ZSWIM5: variants seen among roughly 807,000 people sequenced by gnomAD.
The protein encoded by ZSWIM5 is zinc finger SWIM-type containing 5.
In ZSWIM5, 55 loss-of-function variants were observed where a neutral mutation model predicts 119.6. The ratio of observed to expected loss-of-function variants is 0.46; its 90% CI spans 0.37 to 0.58. ZSWIM5 has a LOEUF of 0.58. Among genes scored for constraint, ZSWIM5 ranks in the 20% least tolerant of loss-of-function variants. ZSWIM5 has a pLI of 0.00. For missense variants in ZSWIM5, 1,193 were observed against 1,512.8 expected (o/e 0.79, Z 3.51); for synonymous variants, 537 against 606.9 (o/e 0.88, Z 1.69).
At chr1:45,110,815 G>A (rs1305414997) in intron 1 of ZSWIM5, among the ~76,000 whole-genome samples, 1 of 152,136 alleles carries the variant, frequency 6.6e-6, no homozygotes, top group Non-Finnish European at 1.5e-5. Context: ...TTTTATGGTG[G>A]CCACAGAGAG....
rs780028759 is a variant in ZSWIM5 at position 45,017,322 on chromosome 1, CAT to C, written c.*1130_*1131del. On this transcript the variant is annotated 3_prime_UTR_variant, in exon 14 of 14. Transcript: ENST00000359600. ...TAACAAGCATACACATGGATACAAA[CAT>C]GTTTATACACATGCACTCGTGTACG... The C allele has an allele frequency of 6.6e-6, 1 of 152,180 alleles. No homozygotes were observed. The highest frequency in any genetic ancestry group is 2.4e-5 in the African/African-American group (1 of 41,458). The allele number at this position is 152,180 out of a possible 1,614,324, so 9.4% of individuals were successfully genotyped here. A position where few individuals can be genotyped will look rare whatever the true frequency, so the allele number is the denominator to read the frequency against.
chr1:45,045,833 A>G (rs1186911789), intron 5 of ZSWIM5, among the ~76,000 whole-genome samples: 2 of 152,212 alleles, frequency 1.3e-5, no homozygotes, highest in East Asian at 3.8e-4. Flanking sequence ...GTAAATATAT[A>G]GTATATCAGA....
rs183920776 is a variant in ZSWIM5, at chr1:45,048,221, G to A, written c.1432+2853C>T. ...TACCTGGCTAATTTTTGTATTTTTT[G>A]TAGAGACAGGATTTCACCATGTTGC... is the stretch of plus-strand genomic sequence containing the variant. On this transcript the variant is annotated intron_variant, in intron 5 of 13. Transcript: ENST00000359600. Among the ~76,000 whole-genome samples the A allele has an allele frequency of 1.1e-4, 17 of 149,424 alleles. No homozygotes were observed. In the Admixed American group the frequency reaches 1.2e-3, roughly 10 times the overall value.
intron 1 of ZSWIM5, among the ~76,000 whole-genome samples, chr1:45,100,153 T>A (rs1052952583): frequency 2.0e-5 from 3 of 152,164 alleles, no homozygotes; most frequent in African/African-American, 4.8e-5. Flanking sequence ...AAAACTCCAT[T>A]GTCTCAGCCC....
rs1328389564 is a variant in ZSWIM5, at chr1:45,022,109, C to T, written c.2450-1321G>A. Among the ~76,000 whole-genome samples, 9 of 135,272 alleles carry T rather than the reference C, an allele frequency of 6.7e-5. No homozygotes were observed. In the East Asian group the frequency reaches 1.8e-3, roughly 27 times the overall value. The allele number at this position is 135,272 out of a possible 152,430, so 88.7% of individuals were successfully genotyped here. A position where few individuals can be genotyped will look rare whatever the true frequency, so the allele number is the denominator to read the frequency against. On this transcript the variant is annotated intron_variant, in intron 11 of 13. Coordinates refer to ENST00000359600, the MANE Select transcript of ZSWIM5 (RefSeq NM_020883.2). ...AGAATTATAAAAAATTTGTAATATT[C>T]TATGATTCTACTTTATTTTATTTTA...
intron 1 of ZSWIM5, among the ~76,000 whole-genome samples, chr1:45,181,974 A>C (rs1324608369): frequency 6.6e-6 from 1 of 152,200 alleles, no homozygotes; most frequent in Non-Finnish European, 1.5e-5. Flanking sequence ...CCGCTGCAAA[A>C]ACATGCCAAA....
At chr1:45,185,005 C>T (rs1160046222) in intron 1 of ZSWIM5, among the ~76,000 whole-genome samples, 1 of 151,864 alleles carries the variant, frequency 6.6e-6, no homozygotes, top group African/African-American at 2.4e-5. Flanking sequence ...AACTATACTA[C>T]AAGGCTACAG....
intron 1 of ZSWIM5, among the ~76,000 whole-genome samples, chr1:45,099,727 T>C (rs1266907981): frequency 1.3e-5 from 2 of 152,220 alleles, no homozygotes; most frequent in Admixed American, 6.5e-5. Flanking sequence ...ATCCCTGGGA[T>C]GCAAGGCTGG....
intron 1 of ZSWIM5, among the ~76,000 whole-genome samples, chr1:45,179,544 A>C (rs1250485246): frequency 6.6e-6 from 1 of 152,254 alleles, no homozygotes; most frequent in East Asian, 1.9e-4. Flanking sequence ...AAACTTCAGC[A>C]CCGTGAAATA....
At chr1:45,194,744 G>A (rs1646112335) in intron 1 of ZSWIM5, among the ~76,000 whole-genome samples, 1 of 152,056 alleles carries the variant, frequency 6.6e-6, no homozygotes, top group Non-Finnish European at 1.5e-5. Context: ...AGGCGTGGTG[G>A]CGGGCATCTG....
At chr1:45,073,792 G>A (rs1645239223) in intron 2 of ZSWIM5, among the ~76,000 whole-genome samples, 1 of 151,724 alleles carries the variant, frequency 6.6e-6, no homozygotes, top group Admixed American at 6.6e-5. Context: ...GGTAACATGG[G>A]GCATCCTTGT....
chr1:45,130,684 G>C (rs527801051), intron 1 of ZSWIM5, among the ~76,000 whole-genome samples: 3 of 152,186 alleles, frequency 2.0e-5, no homozygotes, highest in South Asian at 2.1e-4. Context: ...CAGATTCAGA[G>C]TGTCTTAAAA....
At chr1:45,166,711 C>G (rs1260320634) in intron 1 of ZSWIM5, among the ~76,000 whole-genome samples, 1 of 152,040 alleles carries the variant, frequency 6.6e-6, no homozygotes. Flanking sequence ...TGAGTGAACT[C>G]CCATTCACAA....
At chr1:45,116,797 T>C (rs557826669) in intron 1 of ZSWIM5, among the ~76,000 whole-genome samples, 88 of 152,298 alleles carry the variant, frequency 5.8e-4, no homozygotes, top group Admixed American at 3.4e-3. Context: ...GATATACCGA[T>C]TGGCAACATA....
intron 1 of ZSWIM5, among the ~76,000 whole-genome samples, chr1:45,103,547 T>C (rs546573580): frequency 1.3e-5 from 2 of 152,206 alleles, no homozygotes; most frequent in Admixed American, 1.3e-4. Flanking sequence ...TAAATTTGTA[T>C]ACAAAACTTT....
intron 1 of ZSWIM5, among the ~76,000 whole-genome samples, chr1:45,116,544 C>T (rs1645559233): frequency 6.6e-6 from 1 of 152,162 alleles, no homozygotes; most frequent in African/African-American, 2.4e-5. Context: ...CCACTTCCTG[C>T]TCTATTTACA....
chr1:45,180,809 T>C (rs1646013065), intron 1 of ZSWIM5, among the ~76,000 whole-genome samples: 1 of 152,080 alleles, frequency 6.6e-6, no homozygotes, highest in South Asian at 2.1e-4. Flanking sequence ...CCGCTGCTGA[T>C]ACCCAGGCAA....
intron 10 of ZSWIM5, among the ~76,000 whole-genome samples, chr1:45,035,402 C>A (rs183244203): frequency 3.9e-5 from 6 of 152,290 alleles, no homozygotes; most frequent in African/African-American, 1.4e-4. Flanking sequence ...TGAATAACCA[C>A]TGAACAGGAA....
chr1:45,078,452 C>A (rs1366300530), intron 2 of ZSWIM5, among the ~76,000 whole-genome samples: 1 of 152,190 alleles, frequency 6.6e-6, no homozygotes, highest in East Asian at 1.9e-4. Context: ...TGGTCTAGAA[C>A]AAGATCTGGA....
Sources: gnomAD v4.1 joint callset for allele counts (sites outside exome capture counted in the v4.1 genomes callset) on GRCh38, gnomAD v4.1.1 for gene constraint, MANE v1.5 for transcripts, NCBI Gene and HGNC (gene_info 2026-07-23, HGNC 2026-07-21) for gene names.